PEPD: variants seen among roughly 807,000 people sequenced by gnomAD.
The protein encoded by PEPD is peptidase D.
In PEPD, 53 loss-of-function variants were observed where a neutral mutation model predicts 60.7. The ratio of observed to expected loss-of-function variants is 0.87; its 90% CI spans 0.70 to 1.10. The LOEUF (loss-of-function observed/expected upper bound fraction) is 1.10, where lower values mean the gene tolerates loss of function less well. Ranked by LOEUF, PEPD falls within the 50% of genes least tolerant of loss-of-function variation. PEPD has a pLI of 0.00. For synonymous variants in PEPD, 267 were observed against 284.1 expected, an observed-to-expected ratio of 0.94 and a Z score of 0.60; for missense variants, 711 against 711.9, an observed-to-expected ratio of 1.00 and a Z score of 0.01.
intron 13 of PEPD, among the ~76,000 whole-genome samples, chr19:33,390,826 G>A (rs1465131195): frequency 6.6e-6 from 1 of 152,180 alleles, no homozygotes; most frequent in East Asian, 1.9e-4. Flanking sequence ...CGAACCAGCG[G>A]CAGAGCAGGG....
At chr19:33,511,260 C>A in intron 2 of PEPD, 105 bp from the exon 3 acceptor site, 7 of 1,140,322 alleles carry the variant, frequency 6.1e-6, no homozygotes, top group Non-Finnish European at 2.6e-6. Flanking sequence ...GACCGACAGC[C>A]TCCTGTAACT....
intron 9 of PEPD, among the ~76,000 whole-genome samples, chr19:33,415,643 T>C (rs183727411): frequency 6.6e-6 from 1 of 152,300 alleles, no homozygotes; most frequent in East Asian, 1.9e-4. Context: ...TTGAATGCCT[T>C]TGCTGCTTTT....
chr19:33,411,714 G>T lies in PEPD; in HGVS notation c.776C>A (p.Ala259Asp). The change falls in exon 11 of 15, where the codon GCC (alanine) becomes GAC (aspartate). Residue 259 changes from alanine to aspartate, a missense_variant. Coordinates refer to ENST00000244137, the MANE Select transcript of PEPD (RefSeq NM_000285.4). ...GATCGTTCGGTCGTTGGGAGCTCCG[G>T]CGTGTCCGTAGTGTAGCACGGCTGA... is the stretch of plus-strand genomic sequence containing the variant. ...ENSAVLHYGH[A>D]GAPNDRTIQN... 1 of 1,611,336 alleles carries T rather than the reference G, an allele frequency of 6.2e-7. No individual in the cohort carries two copies. Among genetic ancestry groups the T allele is most frequent in the Non-Finnish European group, 8.5e-7 (1 of 1,177,780 alleles).
At chr19:33,415,160 G>A (rs973199951) in intron 9 of PEPD, among the ~76,000 whole-genome samples, 1 of 152,168 alleles carries the variant, frequency 6.6e-6, no homozygotes, top group Non-Finnish European at 1.5e-5. Flanking sequence ...TGGAACAGGG[G>A]TGCTCCCTTG....
intron 9 of PEPD, among the ~76,000 whole-genome samples, chr19:33,414,503 C>G (rs1002248651): frequency 6.6e-6 from 1 of 152,178 alleles, no homozygotes; most frequent in Non-Finnish European, 1.5e-5. Context: ...GCCCTCACCC[C>G]CTCCCTGAGG....
chr19:33,503,738 G>A (rs969464970), intron 3 of PEPD, among the ~76,000 whole-genome samples: 2 of 152,202 alleles, frequency 1.3e-5, no homozygotes, highest in Admixed American at 1.3e-4. Flanking sequence ...TCCCTCAGTT[G>A]TTCCCAGCTC....
chr19:33,438,290 G>A (rs1255092660), intron 9 of PEPD, among the ~76,000 whole-genome samples: 2 of 152,230 alleles, frequency 1.3e-5, no homozygotes, highest in Non-Finnish European at 2.9e-5. Flanking sequence ...CACTCTGCAG[G>A]GAAAACAATG....
Position 33,512,779 on chromosome 19 carries a change from G to A in PEPD, c.18-3C>T, listed in dbSNP as rs547397706. The A allele has an allele frequency of 7.4e-5, 119 of 1,613,828 alleles. No individual in the cohort carries two copies. The South Asian group carries it at 1.2e-3, about 16-fold the overall frequency. On this transcript the variant is annotated splice_region_variant and splice_polypyrimidine_tract_variant and intron_variant, in intron 1 of 14. Coordinates refer to ENST00000244137, the MANE Select transcript of PEPD (RefSeq NM_000285.4). ...CATTCCCCAGCCAAAACGAGGGTCTGCAGAGGCAAGAGCACACACCGCCAC... is the reference window on the plus strand; with the variant it reads ...CATTCCCCAGCCAAAACGAGGGTCTACAGAGGCAAGAGCACACACCGCCAC...
At chr19:33,462,054 C>T (rs758241683) in intron 9 of PEPD, among the ~76,000 whole-genome samples, 6 of 152,242 alleles carry the variant, frequency 3.9e-5, no homozygotes, top group Non-Finnish European at 8.8e-5. Context: ...CAGCCCACTA[C>T]GGGCCCCATC....
chr19:33,445,275 ATAAGGCACCAGGCCTCGT>A (rs1568475007), intron 9 of PEPD, among the ~76,000 whole-genome samples: 1 of 152,236 alleles, frequency 6.6e-6, no homozygotes, highest in African/African-American at 2.4e-5. Context: ...GAACCTACAG[ATAAGGCACCAGGCCTCGT>A]TTCTCCAGAG....
At chr19:33,475,162 T>C (rs974880859) in intron 7 of PEPD, among the ~76,000 whole-genome samples, 4 of 152,062 alleles carry the variant, frequency 2.6e-5, no homozygotes, top group African/African-American at 4.8e-5. Flanking sequence ...TCAAGTGACT[T>C]CCTGAGCAGG....
chr19:33,521,752 C>A lies in PEPD; in HGVS notation c.9G>T (p.Ala3=), dbSNP rs759791606. The change falls in exon 1 of 15, where the codon GCG becomes GCT. Residue 3 remains alanine, a synonymous_variant. Coordinates refer to ENST00000244137, the MANE Select transcript of PEPD (RefSeq NM_000285.4). ...GGAGGCGCAGCACTCACCCGGTGGC[C>A]GCCGCCATGTTCGCCCGGCACCGGC... MA[A]ATGPSFWLGN... 1 of 1,576,978 alleles carries A rather than the reference C, an allele frequency of 6.3e-7. No homozygotes were observed. Among genetic ancestry groups the A allele is most frequent in the Non-Finnish European group, 8.6e-7 (1 of 1,166,988 alleles).
intron 11 of PEPD, among the ~76,000 whole-genome samples, chr19:33,402,230 G>A (rs901728109): frequency 6.6e-6 from 1 of 152,190 alleles, no homozygotes; most frequent in Admixed American, 6.5e-5. Context: ...ACTAAGGAGA[G>A]GCAGAGATGC....
intron 9 of PEPD, among the ~76,000 whole-genome samples, chr19:33,422,890 C>T (rs901928662): frequency 6.7e-5 from 10 of 149,164 alleles, no homozygotes; most frequent in African/African-American, 2.0e-4. Context: ...CCATCTATTC[C>T]TCTATCAATC....
At chr19:33,420,497 G>A (rs1968988872) in intron 9 of PEPD, among the ~76,000 whole-genome samples, 1 of 152,168 alleles carries the variant, frequency 6.6e-6, no homozygotes, top group Non-Finnish European at 1.5e-5. Flanking sequence ...GAGGTCAGGA[G>A]TTCGAGACCA....
chr19:33,449,036 G>T (rs1479871023), intron 9 of PEPD, among the ~76,000 whole-genome samples: 1 of 152,210 alleles, frequency 6.6e-6, no homozygotes, highest in African/African-American at 2.4e-5. Flanking sequence ...CCAAGACCCT[G>T]ACGGGACAGA....
intron 7 of PEPD, 64 bp downstream of exon 7, chr19:33,477,982 A>G: frequency 9.2e-7 from 1 of 1,090,134 alleles, no homozygotes; most frequent in Non-Finnish European, 1.4e-6. Context: ...CAGGAACAAC[A>G]GGGCATTCCA....
intron 11 of PEPD, among the ~76,000 whole-genome samples, chr19:33,408,662 A>C (rs1239399974): frequency 6.6e-6 from 1 of 152,192 alleles, no homozygotes; most frequent in Non-Finnish European, 1.5e-5. Flanking sequence ...GTCTTCCCCC[A>C]GTCAAAGGAC....
chr19:33,521,698 C>T (rs1240083276), intron 1 of PEPD, 46 bp downstream of exon 1: 1 of 1,562,238 alleles, frequency 6.4e-7, no homozygotes, highest in East Asian at 2.4e-5. Context: ...ACACCCATGC[C>T]CCTCTCCACG....
Sources: gnomAD v4.1 joint callset for allele counts (sites outside exome capture counted in the v4.1 genomes callset) on GRCh38, gnomAD v4.1.1 for gene constraint, MANE v1.5 for transcripts, NCBI Gene and HGNC (gene_info 2026-07-23, HGNC 2026-07-21) for gene names.